Variants in ZNF490 observed in about 807,000 individuals in gnomAD.
ZNF490 encodes the protein zinc finger protein 490.
Under a neutral mutation model 17.7 loss-of-function variants are expected in ZNF490, and 11 were observed. That is an observed-to-expected ratio of 0.62 (90% confidence interval 0.39 to 1.03). The LOEUF is 1.03. ZNF490 is among the 50% of genes least tolerant of loss of function. ZNF490 has a pLI of 0.00. For missense variants in ZNF490, 542 were observed against 643.4 expected, an observed-to-expected ratio of 0.84 and a Z score of 1.71; for synonymous variants, 222 against 216.1, an observed-to-expected ratio of 1.03 and a Z score of -0.24.
chr19:12,610,195 TTC>T (rs1234653076), intron 1 of ZNF490, among the ~76,000 whole-genome samples: 3 of 115,972 alleles, frequency 2.6e-5, no homozygotes, highest in Non-Finnish European at 5.2e-5. Flanking sequence ...GGATTGTTTT[TTC>T]TTTCTTTCCT....
chr19:12,607,562 T>A (rs1288094073), intron 2 of ZNF490, among the ~76,000 whole-genome samples: 1 of 151,826 alleles, frequency 6.6e-6, no homozygotes, highest in Non-Finnish European at 1.5e-5. Flanking sequence ...CTTCTCAGTA[T>A]TAAAGTCCAA....
Position 12,583,411 on chromosome 19 carries a change from G to C in ZNF490, c.289+19C>G, listed in dbSNP as rs764180646. 1.9e-6 allele frequency: 3 copies of C among 1,571,866 alleles called. No individual in the cohort carries two copies. The highest frequency in any genetic ancestry group is 1.1e-5 in the South Asian group (1 of 87,984). ...CCTGTTCCCTCCTTAATTAAGTAGA[G>C]AAATTATGTCACCCTTACCTATACA... On this transcript the variant is annotated intron_variant, in intron 3 of 4. Transcript: ENST00000311437.
At chr19:12,582,710 A>G in intron 4 of ZNF490, 140 bp downstream of exon 4, 1 of 805,248 alleles carries the variant, frequency 1.2e-6, no homozygotes, top group Non-Finnish European at 2.1e-6. Flanking sequence ...GACAGTTTCA[A>G]TGAAACACCT....
Position 12,581,599 on chromosome 19 carries a change from C to T in ZNF490, c.476G>A (p.Ser159Asn), listed in dbSNP as rs1430927977. ...ATGCATGAAGACTTCCCCACACACA[C>T]TGCAGTCACATGGTTTTAATCCAGT... is the stretch of plus-strand genomic sequence containing the variant. Reference protein sequence around the residue: ...TPTGLKPCDCSVCGEVFMHQV... With the variant: ...TPTGLKPCDCNVCGEVFMHQV... Residue 159 changes from serine (S) to asparagine (N), a missense_variant, in exon 5 of 5, where the codon AGT becomes AAT. By Grantham distance (46) the Ser-to-Asn change is conservative. Transcript: ENST00000311437. 1.9e-6 allele frequency: 3 copies of T among 1,614,040 alleles called. No homozygotes were observed. The highest frequency in any genetic ancestry group is 4.5e-5 in the East Asian group (2 of 44,888).
In ZNF490 at chr19:12,577,509, ATGTTCCTGGTG is replaced by A. The variant is rs1568276186; in HGVS notation, c.*2965_*2975del. 97 of 581,394 alleles carry A rather than the reference ATGTTCCTGGTG, an allele frequency of 1.7e-4. No homozygotes were observed. The highest frequency in any genetic ancestry group is 1.8e-4 in the Non-Finnish European group (93 of 513,920). 36.0% of individuals were successfully genotyped at this position (581,394 alleles called of 1,614,324 possible). On this transcript the variant is annotated 3_prime_UTR_variant, in exon 5 of 5. Coordinates refer to ENST00000311437, the MANE Select transcript of ZNF490 (RefSeq NM_020714.3). ...GTTCCAACCCCTCATACTACCATAA[ATGTTCCTGGTG>A]AGAGAAGCGAATGTTCCTGGTGAGA...
At chr19:12,589,344 G>A (rs2022838199) in intron 2 of ZNF490, among the ~76,000 whole-genome samples, 1 of 151,936 alleles carries the variant, frequency 6.6e-6, no homozygotes, top group Non-Finnish European at 1.5e-5. Context: ...GTGACAGAGC[G>A]AGACTCTGTC....
chr19:12,584,717 A>G lies in ZNF490; in HGVS notation c.163-1161T>C, dbSNP rs1229010821. Reference sequence around the variant, plus strand: ...GAAAAACTGTGTATTTTTCTTTTTCATAAACAACATGAGAGATCAGGAAGT... The same window carrying G: ...GAAAAACTGTGTATTTTTCTTTTTCGTAAACAACATGAGAGATCAGGAAGT... On this transcript the variant is annotated intron_variant, in intron 2 of 4. Transcript: ENST00000311437. Among the ~76,000 whole-genome samples the G allele has an allele frequency of 8.5e-5, 8 of 94,166 alleles. 2 individuals are homozygous for G. The highest frequency in any genetic ancestry group is 2.5e-4 in the African/African-American group (8 of 31,380). The allele number at this position is 94,166 out of a possible 152,430, so 61.8% of individuals were successfully genotyped here.
At chr19:12,598,743 C>A (rs972756947) in intron 2 of ZNF490, among the ~76,000 whole-genome samples, 1 of 151,232 alleles carries the variant, frequency 6.6e-6, no homozygotes, top group African/African-American at 2.4e-5. Context: ...AATCCCAGCA[C>A]TTTGGGAGGC....
At position 12,577,054 on chromosome 19, in the gene ZNF490, G is replaced by A. The variant is rs2022651287; in HGVS notation, c.*3431C>T. Among the ~76,000 whole-genome samples, 1 of 151,930 alleles carries A rather than the reference G, an allele frequency of 6.6e-6. No homozygotes were observed. Among genetic ancestry groups the A allele is most frequent in the African/African-American group, 2.4e-5 (1 of 41,338 alleles). ...TTCTCCAGGTTTCTCTGGCTCCTCG[G>A]GAATAACCACCACAGTGCCTTATAT... On this transcript the variant is annotated 3_prime_UTR_variant, in exon 5 of 5. Coordinates refer to ENST00000311437, the MANE Select transcript of ZNF490 (RefSeq NM_020714.3).
chr19:12,603,247 G>A (rs566890108), intron 2 of ZNF490, among the ~76,000 whole-genome samples: 7 of 152,198 alleles, frequency 4.6e-5, no homozygotes, highest in Middle Eastern at 3.4e-3. Context: ...ACCATGTTGG[G>A]AGGCTGAGGC....
At chr19:12,609,832 G>A (rs2023122173) in intron 1 of ZNF490, 1 of 420,752 alleles carries the variant, frequency 2.4e-6, no homozygotes, top group Non-Finnish European at 4.6e-6. Context: ...GATGCCAATA[G>A]GTTGGACAGA....
In ZNF490 at chr19:12,581,198, A is replaced by G. The variant is rs369393922; in HGVS notation, c.877T>C (p.Phe293Leu). The G allele has an allele frequency of 6.2e-7, 1 of 1,609,906 alleles. No individual in the cohort carries two copies. The highest frequency in any genetic ancestry group is 8.5e-7 in the Non-Finnish European group (1 of 1,176,882). ...CGKAFIYYQPFLTHERTHTGE... is the reference protein window; with the variant it reads ...CGKAFIYYQPLLTHERTHTGE... ...GTGTGAGTCCTTTCGTGGGTTAGAA[A>G]AGGCTGGTAATATATAAAGGCTTTT... The change falls in exon 5 of 5, where the codon TTT becomes CTT. Residue 293 changes from phenylalanine (F) to leucine (L), a missense_variant. By Grantham distance (22) the Phe-to-Leu change is conservative. Transcript: ENST00000311437.
chr19:12,583,295 T>A, intron 3 of ZNF490, 135 bp downstream of exon 3: 1 of 1,045,952 alleles, frequency 9.6e-7, no homozygotes, highest in Non-Finnish European at 1.3e-6. Flanking sequence ...CGCCTCAGCC[T>A]CCCAAAGCAC....
intron 2 of ZNF490, 24 bp from the exon 3 acceptor site, chr19:12,583,580 T>TAGG (rs745320240): frequency 6.4e-7 from 1 of 1,557,512 alleles, no homozygotes; most frequent in East Asian, 2.4e-5. Flanking sequence ...CATGTGTGTT[T>TAGG]AGGAGGAGGA....
Position 12,580,909 on chromosome 19 carries a change from G to C in ZNF490, c.1166C>G (p.Pro389Arg), listed in dbSNP as rs796743533. The change falls in exon 5 of 5, where the codon CCC becomes CGC. Residue 389 changes from proline to arginine, a missense_variant. Physicochemically the swap from Pro to Arg is moderately radical, Grantham distance 103. Coordinates refer to ENST00000311437, the MANE Select transcript of ZNF490 (RefSeq NM_020714.3). Reference sequence around the variant, plus strand: ...TTTACCACATTGTTTACATTCATAGGGTTTTTCTCCAAAATGAGTTCTTTC... The same window carrying C: ...TTTACCACATTGTTTACATTCATAGCGTTTTTCTCCAAAATGAGTTCTTTC... ...VHERTHFGEK[P>R]YECKQCGKAF... The C allele has an allele frequency of 6.2e-7, 1 of 1,614,172 alleles. No homozygotes were observed. The highest frequency in any genetic ancestry group is 8.5e-7 in the Non-Finnish European group (1 of 1,180,034).
At position 12,582,863 on chromosome 19, in the gene ZNF490, C is replaced by T; in HGVS notation, c.337G>A (p.Gly113Arg). The change falls in exon 4 of 5, where the codon GGA (glycine) becomes AGA (arginine). Residue 113 changes from glycine (G) to arginine (R), a missense_variant. Physicochemically the swap from Gly to Arg is moderately radical, Grantham distance 125. Coordinates refer to ENST00000311437, the MANE Select transcript of ZNF490 (RefSeq NM_020714.3). The stretch of plus-strand genomic sequence containing the variant: ...AATGCAACTCACCTTAGATTTCTTC[C>T]CTGGTTTTTGTGTTCATCTTCAATA... ...QDIEDEHKNQ[G>R]RNLRSPMVEA... The T allele has an allele frequency of 1.2e-6, 2 of 1,612,654 alleles. No individual in the cohort carries two copies. Among genetic ancestry groups the T allele is most frequent in the Non-Finnish European group, 1.7e-6 (2 of 1,179,098 alleles).
Position 12,610,534 on chromosome 19 carries a change from C to A in ZNF490, c.117+30G>T, listed in dbSNP as rs1037688585. Reference sequence around the variant, plus strand: ...ACAAGGGTCACTATTCCACGAGAGGCCTTACAACATTATGCCAAGCCCCTG... The same window carrying A: ...ACAAGGGTCACTATTCCACGAGAGGACTTACAACATTATGCCAAGCCCCTG... On this transcript the variant is annotated intron_variant, in intron 1 of 4. Coordinates refer to ENST00000311437, the MANE Select transcript of ZNF490 (RefSeq NM_020714.3). The A allele has an allele frequency of 2.0e-6, 3 of 1,534,380 alleles. No individual in the cohort carries two copies. In the South Asian group the frequency reaches 3.4e-5, roughly 17 times the overall value.
chr19:12,609,255 A>C, intron 1 of ZNF490, 53 bp from the exon 2 acceptor site: 1 of 1,535,470 alleles, frequency 6.5e-7, no homozygotes, highest in Non-Finnish European at 9.0e-7. Context: ...TTAGAACTAA[A>C]CATGACCTTT....
In ZNF490 at chr19:12,576,613, A is replaced by G. The variant is rs2022640003; in HGVS notation, c.*3872T>C. 1.3e-5 allele frequency among the ~76,000 whole-genome samples: 2 copies of G among 151,864 alleles called. No individual in the cohort carries two copies. The highest frequency in any genetic ancestry group is 1.3e-4 in the Admixed American group (2 of 15,200). ...GGTGGATCACAAGGTCAGGAGATTG[A>G]GACCATCCTGGTCAACATGGTGAAA... On this transcript the variant is annotated 3_prime_UTR_variant, in exon 5 of 5. Coordinates refer to ENST00000311437, the MANE Select transcript of ZNF490 (RefSeq NM_020714.3).
Sources: allele counts gnomAD v4.1 joint callset (sites outside exome capture counted in the v4.1 genomes callset), GRCh38; gene constraint gnomAD v4.1.1; transcripts MANE v1.5; gene names NCBI Gene and HGNC (gene_info 2026-07-23, HGNC 2026-07-21).